ALOX12B: variants seen among roughly 807,000 people sequenced by gnomAD.
ALOX12B encodes the protein arachidonate 12-lipoxygenase, 12R-type.
ALOX12B carries 47 observed loss-of-function variants against 78.9 expected under a neutral mutation model. The observed-to-expected ratio is 0.60, with a 90% CI of 0.47 to 0.76. ALOX12B has a LOEUF of 0.76. Ranked by LOEUF, ALOX12B falls within the 30% of genes least tolerant of loss-of-function variation. ALOX12B has a pLI of 0.00. For synonymous variants in ALOX12B, 370 were observed against 374.5 expected (o/e 0.99, Z 0.14); for missense variants, 805 against 922.6 (o/e 0.87, Z 1.65).
Position 8,076,700 on chromosome 17 carries a change from A to G in ALOX12B, c.1319T>C (p.Ile440Thr), listed in dbSNP as rs1383902341. The G allele has an allele frequency of 6.4e-6, 10 of 1,551,144 alleles. No individual in the cohort carries two copies. The highest frequency in any genetic ancestry group is 2.4e-5 in the East Asian group (1 of 40,932). Residue 440 changes from isoleucine (I) to threonine (T), a missense_variant, in exon 10 of 15, where the codon ATT becomes ACT. Transcript: ENST00000647874. Reference sequence around the variant, plus strand: ...CTCATTGAGGAGAACGGCCCGGCCAATGCTGTTGATCTGGACGGTGTATCG... The same window carrying G: ...CTCATTGAGGAGAACGGCCCGGCCAGTGCTGTTGATCTGGACGGTGTATCG... ...HTRYTVQINS[I>T]GRAVLLNEGG...
chr17:8,078,115 TTTTA>T (rs200983287), intron 8 of ALOX12B, among the ~76,000 whole-genome samples: 29,231 of 143,086 alleles, frequency 0.2, 3,206 homozygotes, highest in East Asian at 0.4. Flanking sequence ...TTTTATTTCA[TTTTA>T]TTTATTTATT....
rs756936055 is a variant in ALOX12B, at chr17:8,079,447, G to A, written c.1020C>T (p.Leu340=). The change falls in exon 8 of 15, where the codon CTC becomes CTT. Residue 340 remains leucine, a synonymous_variant. Transcript: ENST00000647874. This position sits in a 1 kb window ranked among gnomAD's most constrained non-coding sequence, Gnocchi z 6.4. ...CCTCGGGTCCAAAGTGCAGCAGGCA[G>A]AGGGGGGCGCAGTGGTGCTGCTTCC... ...SGRKQHHCAP[L]CLLHFGPEGK... is the part of the protein sequence containing the mutation. 22 of 1,551,172 alleles carry A rather than the reference G, an allele frequency of 1.4e-5. No homozygotes were observed. The African/African-American group carries it at 1.8e-4, about 13-fold the overall frequency.
intron 8 of ALOX12B, among the ~76,000 whole-genome samples, chr17:8,077,705 C>T (rs1977117623): frequency 6.6e-6 from 1 of 152,336 alleles, no homozygotes; most frequent in African/African-American, 2.4e-5. Context: ...ACACCCAGTT[C>T]CTTCCTCTGC....
At chr17:8,087,173 C>A in intron 1 of ALOX12B, 123 bp downstream of exon 1, 1 of 1,410,062 alleles carries the variant, frequency 7.1e-7, no homozygotes, top group East Asian at 2.5e-5. Context: ...TCACCTGGCT[C>A]CCCCTGCGCA....
chr17:8,083,456 T>G (rs926036434), intron 2 of ALOX12B, among the ~76,000 whole-genome samples: 1 of 152,154 alleles, frequency 6.6e-6, no homozygotes, highest in African/African-American at 2.4e-5. Flanking sequence ...TCAGGCCAGG[T>G]GCGGTGGTTC....
chr17:8,079,647 G>A lies in ALOX12B; in HGVS notation c.928-108C>T. 4 of 1,532,226 alleles carry A rather than the reference G, an allele frequency of 2.6e-6. No individual in the cohort carries two copies. Among genetic ancestry groups the A allele is most frequent in the Non-Finnish European group, 3.5e-6 (4 of 1,135,178 alleles). The allele number at this position is 1,532,226 out of a possible 1,614,324, so 94.9% of individuals were successfully genotyped here. A position where few individuals can be genotyped will look rare whatever the true frequency, so the allele number is the denominator to read the frequency against. ...CGACTAGGGGCAGGGGTGGGACGGG[G>A]ACAGGGACGCGGGGTGCGGGCTTGC... is the stretch of plus-strand genomic sequence containing the variant. On this transcript the variant is annotated intron_variant, in intron 7 of 14. Transcript: ENST00000647874. The surrounding 1 kb of genome is among the most constrained non-coding windows in gnomAD (Gnocchi z 6.4).
chr17:8,079,646 G>T lies in ALOX12B; in HGVS notation c.928-107C>A. The T allele has an allele frequency of 6.5e-7, 1 of 1,532,934 alleles. No individual in the cohort carries two copies. Among genetic ancestry groups the T allele is most frequent in the Non-Finnish European group, 8.8e-7 (1 of 1,135,844 alleles). The allele number at this position is 1,532,934 out of a possible 1,614,324, so 95.0% of individuals were successfully genotyped here. A position where few individuals can be genotyped will look rare whatever the true frequency, so the allele number is the denominator to read the frequency against. ...GCGACTAGGGGCAGGGGTGGGACGG[G>T]GACAGGGACGCGGGGTGCGGGCTTG... is the stretch of plus-strand genomic sequence containing the variant. On this transcript the variant is annotated intron_variant, in intron 7 of 14. Transcript: ENST00000647874. The surrounding 1 kb of genome is among the most constrained non-coding windows in gnomAD (Gnocchi z 6.4).
In ALOX12B at chr17:8,079,812, G is replaced by GCCTC; in HGVS notation, c.883_884insGAGG (p.Ala295GlyfsTer80). On this transcript the variant is annotated frameshift_variant, in exon 7 of 15. Coordinates refer to ENST00000647874, the MANE Select transcript of ALOX12B (RefSeq NM_001139.3). LOFTEE classifies it high-confidence loss of function. This position sits in a 1 kb window ranked among gnomAD's most constrained non-coding sequence, Gnocchi z 6.4. ...GCACGTTCCCTCGCCCAGGAACGGA[G>GCCTC]CCACCATGTCGTCTGTGACGGGGAA... 6.2e-7 allele frequency: 1 copy of GCCTC among 1,613,466 alleles called. No homozygotes were observed. Among genetic ancestry groups the GCCTC allele is most frequent in the Non-Finnish European group, 8.5e-7 (1 of 1,179,958 alleles).
In ALOX12B at chr17:8,074,845, T is replaced by G. The variant is rs191931016; in HGVS notation, c.1654+750A>C. On this transcript the variant is annotated intron_variant, in intron 12 of 14. Coordinates refer to ENST00000647874, the MANE Select transcript of ALOX12B (RefSeq NM_001139.3). ...ATGCTCTCTCTGGCTTTCTCGACTT[T>G]CCACATACTGCTCCCATGCGGAACT... Among the ~76,000 whole-genome samples the G allele has an allele frequency of 6.6e-5, 10 of 152,308 alleles. 1 individual carries two copies. The highest frequency in any genetic ancestry group is 5.9e-4 in the Admixed American group (9 of 15,308).
Position 8,073,210 on chromosome 17 carries a change from C to T in ALOX12B, c.1864G>A (p.Val622Met). Reference sequence around the variant, plus strand: ...AGCAGCGTGATGCACGTGGTCTTCACATCCGGCAACGTGTCCATGAAGGTC... The same window carrying T: ...AGCAGCGTGATGCACGTGGTCTTCATATCCGGCAACGTGTCCATGAAGGTC... ...LETFMDTLPD[V>M]KTTCITLLVL... Residue 622 changes from valine (V) to methionine (M), a missense_variant, in exon 14 of 15, where the codon GTG becomes ATG. Transcript: ENST00000647874. 1 of 1,614,222 alleles carries T rather than the reference C, an allele frequency of 6.2e-7. No homozygotes were observed. The highest frequency in any genetic ancestry group is 8.5e-7 in the Non-Finnish European group (1 of 1,180,038).
Position 8,079,658 on chromosome 17 carries a change from G to T in ALOX12B, c.927+111C>A, listed in dbSNP as rs960775055. ...AGGGGTGGGACGGGGACAGGGACGCGGGGTGCGGGCTTGCCTGGGACTGGC... is the reference window on the plus strand; with the variant it reads ...AGGGGTGGGACGGGGACAGGGACGCTGGGTGCGGGCTTGCCTGGGACTGGC... On this transcript the variant is annotated intron_variant, in intron 7 of 14. Coordinates refer to ENST00000647874, the MANE Select transcript of ALOX12B (RefSeq NM_001139.3). This position sits in a 1 kb window ranked among gnomAD's most constrained non-coding sequence, Gnocchi z 6.4. The T allele has an allele frequency of 3.4e-5, 52 of 1,533,636 alleles. No individual in the cohort carries two copies. The highest frequency in any genetic ancestry group is 4.5e-5 in the Non-Finnish European group (51 of 1,136,238).
rs971404417 is a variant in ALOX12B, at chr17:8,076,749, G to A, written c.1276-6C>T. 1.3e-6 allele frequency: 2 copies of A among 1,549,878 alleles called. No homozygotes were observed. The highest frequency in any genetic ancestry group is 2.7e-5 in the African/African-American group (2 of 72,984). ...CGGGTATGGGGGATGAGGAGCTGTG[G>A]GGAGAGCAAGGAGGATGAAGAGAGA... On this transcript the variant is annotated splice_region_variant and splice_polypyrimidine_tract_variant and intron_variant, in intron 9 of 14. Transcript: ENST00000647874.
At position 8,075,684 on chromosome 17, in the gene ALOX12B, G is replaced by A. The variant is rs150371678; in HGVS notation, c.1565C>T (p.Pro522Leu). 828 of 1,614,124 alleles carry A rather than the reference G, an allele frequency of 5.1e-4. 8 individuals carry two copies. The East Asian group carries it at 0.016, about 31-fold the overall frequency. ...YVTEIITYYY[P>L]SDAAVEGDPE... ...ATCACCCTCCACGGCTGCGTCACTC[G>A]GGTAATAATAGGTGATGATCTCCGT... Residue 522 changes from proline (P) to leucine (L), a missense_variant, in exon 12 of 15, where the codon CCG becomes CTG. By Grantham distance (98) the Pro-to-Leu change is moderately conservative. Coordinates refer to ENST00000647874, the MANE Select transcript of ALOX12B (RefSeq NM_001139.3).
rs1451694109 is a variant in ALOX12B, at chr17:8,080,551, T to C, written c.650+107A>G. ...GGTCTGCGTTTCAGCTCCCTCTGCC[T>C]TCCTGGCCATTCCAACCTCTGGGGC... On this transcript the variant is annotated intron_variant, in intron 5 of 14. Coordinates refer to ENST00000647874, the MANE Select transcript of ALOX12B (RefSeq NM_001139.3). This position sits in a 1 kb window ranked among gnomAD's most constrained non-coding sequence, Gnocchi z 4.8. The C allele has an allele frequency of 3.2e-6, 5 of 1,566,806 alleles. No individual in the cohort carries two copies. In the African/African-American group the frequency reaches 6.8e-5, roughly 21 times the overall value.
At chr17:8,073,431 C>A in intron 13 of ALOX12B, 113 bp from the exon 14 acceptor site, 1 of 1,416,854 alleles carries the variant, frequency 7.1e-7, no homozygotes, top group South Asian at 1.2e-5. Flanking sequence ...CCGCCCTTGG[C>A]GCTGAGGCTG....
At chr17:8,082,274 C>G (rs1052245744) in intron 2 of ALOX12B, among the ~76,000 whole-genome samples, 1 of 152,100 alleles carries the variant, frequency 6.6e-6, no homozygotes, top group African/African-American at 2.4e-5. Context: ...AGTTGTTTAG[C>G]ACTTACTAGG....
chr17:8,079,774 G>C lies in ALOX12B; in HGVS notation c.922C>G (p.Leu308Val). ...TCCGCCGGAGCGGGCCTCACCTCCAGCTCCGCTTGCAAGCACGTTCCCTCG... is the reference window on the plus strand; with the variant it reads ...TCCGCCGGAGCGGGCCTCACCTCCACCTCCGCTTGCAAGCACGTTCCCTCG... The part of the protein sequence containing the change: ...LGEGTCLQAE[L>V]EKGNIYLADY... The change falls in exon 7 of 15, where the codon CTG becomes GTG. Residue 308 changes from leucine (L) to valine (V), a missense_variant. Transcript: ENST00000647874. The surrounding 1 kb of genome is among the most constrained non-coding windows in gnomAD (Gnocchi z 6.4). 1 of 1,612,042 alleles carries C rather than the reference G, an allele frequency of 6.2e-7. No homozygotes were observed.
intron 11 of ALOX12B, 139 bp downstream of exon 11, chr17:8,076,036 C>T (rs1056031353): frequency 7.6e-6 from 9 of 1,182,898 alleles, no homozygotes; most frequent in Non-Finnish European, 1.1e-5. Context: ...GATGGACACA[C>T]AGACCCCAGG....
chr17:8,077,256 C>A (rs1598179052), intron 8 of ALOX12B, 63 bp from the exon 9 acceptor site: 2 of 1,500,012 alleles, frequency 1.3e-6, no homozygotes, highest in Admixed American at 3.9e-5. Flanking sequence ...AAAGGCCCCA[C>A]CGCAGGAAGG....
Sources: allele counts gnomAD v4.1 joint callset (sites outside exome capture counted in the v4.1 genomes callset), GRCh38; gene constraint gnomAD v4.1.1; non-coding constraint Gnocchi (gnomAD v3.1); transcripts MANE v1.5; gene names NCBI Gene and HGNC (gene_info 2026-07-23, HGNC 2026-07-21).